PDK1: variants seen among roughly 807,000 people sequenced by gnomAD.
PDK1 encodes pyruvate dehydrogenase kinase 1.
PDK1 carries 39 observed loss-of-function variants against 54.2 expected under a neutral mutation model. That is an observed-to-expected ratio of 0.72 (90% CI 0.56 to 0.94). The LOEUF is 0.94. PDK1 is among the 40% of genes least tolerant of loss of function. The pLI is 0.00. For synonymous variants in PDK1, 221 were observed against 207.1 expected (o/e 1.07, Z -0.58); for missense variants, 552 against 566.0 (o/e 0.98, Z 0.25).
At chr2:172,697,913 A>T in the PDK1 span, among the ~76,000 whole-genome samples, 34,779 of 152,116 alleles carry the variant, frequency 0.23, 4,146 homozygotes, top group Admixed American at 0.27. Flanking sequence ...AGAATTTAAA[A>T]TGGTGTCCAT....
At chr2:172,585,007 T>G (rs1690138946) in intron 8 of PDK1, among the ~76,000 whole-genome samples, 1 of 151,922 alleles carries the variant, frequency 6.6e-6, no homozygotes, top group Non-Finnish European at 1.5e-5. Flanking sequence ...TTTTGTTTTC[T>G]TAATTTAGAG....
At chr2:172,659,542 A>T in the PDK1 span, among the ~76,000 whole-genome samples, 1 of 152,142 alleles carries the variant, frequency 6.6e-6, no homozygotes, top group Non-Finnish European at 1.5e-5. Flanking sequence ...TCAGCACCCC[A>T]CAACCGAAAA....
chr2:172,703,785 T>TTTATTTTTA, the PDK1 span, among the ~76,000 whole-genome samples: 7 of 144,224 alleles, frequency 4.9e-5, no homozygotes, highest in African/African-American at 1.8e-4. Flanking sequence ...TTTTTTTTTT[T>TTTATTTTTA]TTTGATAGAG....
chr2:172,693,424 C>T, the PDK1 span, among the ~76,000 whole-genome samples: 1 of 152,202 alleles, frequency 6.6e-6, no homozygotes, highest in Non-Finnish European at 1.5e-5. Flanking sequence ...CTTGACTATG[C>T]TTTTGTTTTC....
At chr2:172,679,572 A>C in the PDK1 span, among the ~76,000 whole-genome samples, 1 of 152,212 alleles carries the variant, frequency 6.6e-6, no homozygotes, top group Non-Finnish European at 1.5e-5. Context: ...ACATTTTTAT[A>C]GCCTAATGTA....
At chr2:172,632,631 G>A in the PDK1 span, among the ~76,000 whole-genome samples, 13 of 152,234 alleles carry the variant, frequency 8.5e-5, no homozygotes, top group East Asian at 2.5e-3. Flanking sequence ...TTGGCAGTTG[G>A]CAGTGTTCCC....
At chr2:172,621,565 TTTATA>T in the PDK1 span, among the ~76,000 whole-genome samples, 4 of 147,158 alleles carry the variant, frequency 2.7e-5, no homozygotes, top group East Asian at 3.9e-4. Context: ...TGTTTATATA[TTTATA>T]TTATATATGA....
chr2:172,705,102 T>C, the PDK1 span, among the ~76,000 whole-genome samples: 6 of 152,342 alleles, frequency 3.9e-5, no homozygotes, highest in South Asian at 1.2e-3. Context: ...CATATACTGT[T>C]GTGAGTTAAT....
chr2:172,621,618 A>G, the PDK1 span, among the ~76,000 whole-genome samples: 1 of 147,104 alleles, frequency 6.8e-6, no homozygotes, highest in South Asian at 2.1e-4. Context: ...TATATCATAT[A>G]TGTTTATATA....
chr2:172,698,274 C>T, the PDK1 span, among the ~76,000 whole-genome samples: 1 of 151,990 alleles, frequency 6.6e-6, no homozygotes, highest in Non-Finnish European at 1.5e-5. Context: ...TTTTCCTGCC[C>T]CTTCCTTTCT....
upstream of PDK1, chr2:172,555,613 C>G (rs989750000): frequency 3.3e-5 from 5 of 152,204 alleles, no homozygotes; most frequent in African/African-American, 9.7e-5. Flanking sequence ...CACAGAGGAG[C>G]GTTTCTGGAA....
the PDK1 span, among the ~76,000 whole-genome samples, chr2:172,631,059 CT>C: frequency 6.6e-6 from 1 of 152,224 alleles, no homozygotes; most frequent in Non-Finnish European, 1.5e-5. Context: ...TGGAAGTCAT[CT>C]TTATATATAG....
chr2:172,564,728 A>G (rs780696392), intron 4 of PDK1, 41 bp downstream of exon 4: 1 of 1,479,664 alleles, frequency 6.8e-7, no homozygotes. Context: ...GCTAAATGAG[A>G]TGTGTTGGCA....
chr2:172,621,887 C>T, the PDK1 span, among the ~76,000 whole-genome samples: 3 of 141,482 alleles, frequency 2.1e-5, no homozygotes, highest in Non-Finnish European at 3.1e-5. Flanking sequence ...ATGTTTATAT[C>T]TCATATGTAT....
At chr2:172,563,198 A>G (rs1009760846) in intron 3 of PDK1, among the ~76,000 whole-genome samples, 2 of 152,216 alleles carry the variant, frequency 1.3e-5, no homozygotes, top group African/African-American at 4.8e-5. Flanking sequence ...ATTATGTTAT[A>G]GAGCCTTCTG....
chr2:172,626,751 C>T, the PDK1 span, among the ~76,000 whole-genome samples: 2 of 139,284 alleles, frequency 1.4e-5, no homozygotes, highest in Admixed American at 7.1e-5. Flanking sequence ...TATGATCATG[C>T]CACTGCACTT....
intron 8 of PDK1, among the ~76,000 whole-genome samples, chr2:172,572,519 G>A (rs768290814): frequency 7.2e-5 from 11 of 152,238 alleles, no homozygotes; most frequent in South Asian, 2.1e-4. Flanking sequence ...GAGGTAAGGC[G>A]TTTAAGACCA....
chr2:172,568,573 G>A (rs2149222932), intron 6 of PDK1, among the ~76,000 whole-genome samples, 168 bp from the exon 7 acceptor site: 1 of 152,228 alleles, frequency 6.6e-6, no homozygotes, highest in South Asian at 2.1e-4. Context: ...AATATTTGTG[G>A]GTATGGGTTC....
chr2:172,712,378 T>C, the PDK1 span, among the ~76,000 whole-genome samples: 1 of 152,228 alleles, frequency 6.6e-6, no homozygotes, highest in Non-Finnish European at 1.5e-5. Context: ...CGCTGGGCTC[T>C]TTCTGCTCTC....
Sources: allele counts gnomAD v4.1 joint callset (sites outside exome capture counted in the v4.1 genomes callset), GRCh38; gene constraint gnomAD v4.1.1; transcripts MANE v1.5; gene names NCBI Gene and HGNC (gene_info 2026-07-23, HGNC 2026-07-21).